Variants in ZNF583 observed in about 807,000 individuals in gnomAD.
The protein encoded by ZNF583 is zinc finger protein 583.
ZNF583 carries 30 observed loss-of-function variants against 55.3 expected under a neutral mutation model. The ratio of observed to expected loss-of-function variants is 0.54; its 90% CI spans 0.41 to 0.74. ZNF583 has a LOEUF of 0.74. Among genes scored for constraint, ZNF583 ranks in the 30% least tolerant of loss-of-function variants. ZNF583 has a pLI of 0.00. For missense variants in ZNF583, 504 were observed against 664.7 expected (o/e 0.76, Z 2.66); for synonymous variants, 208 against 220.0 (o/e 0.95, Z 0.48).
intron 1 of ZNF583, among the ~76,000 whole-genome samples, chr19:56,406,615 C>A (rs1485416379): frequency 6.8e-6 from 1 of 146,052 alleles, no homozygotes; most frequent in Non-Finnish European, 1.5e-5. Flanking sequence ...TCACTGCAAG[C>A]TCCGCCTCCT....
Position 56,423,221 on chromosome 19 carries a change from C to A in ZNF583, c.563C>A (p.Pro188Gln), listed in dbSNP as rs764162684. Residue 188 changes from proline (P) to glutamine (Q), a missense_variant, in exon 5 of 5, where the codon CCA becomes CAA. Physicochemically the swap from Pro to Gln is moderately conservative, Grantham distance 76. Coordinates refer to ENST00000333201, the MANE Select transcript of ZNF583 (RefSeq NM_152478.3). ...AAAGAAAAAGCACATAAGCATGAACCACAAAAGAAAAGTTACCGAAAAAAA... is the reference window on the plus strand; with the variant it reads ...AAAGAAAAAGCACATAAGCATGAACAACAAAAGAAAAGTTACCGAAAAAAA... ...PTKEKAHKHE[P>Q]QKKSYRKKSV... is the part of the protein sequence containing the mutation. 6.2e-7 allele frequency: 1 copy of A among 1,612,604 alleles called. No individual in the cohort carries two copies. Among genetic ancestry groups the A allele is most frequent in the Non-Finnish European group, 8.5e-7 (1 of 1,179,772 alleles).
chr19:56,423,522 A>T lies in ZNF583; in HGVS notation c.864A>T (p.Arg288Ser). The T allele has an allele frequency of 1.2e-6, 2 of 1,613,976 alleles. No individual in the cohort carries two copies. Among genetic ancestry groups the T allele is most frequent in the South Asian group, 2.2e-5 (2 of 91,074 alleles). Reference protein sequence around the residue: ...SQNAHLAQHQRVHTGEKPYQC... With the variant: ...SQNAHLAQHQSVHTGEKPYQC... Reference sequence around the variant, plus strand: ...ATGCACACCTGGCCCAACATCAGAGAGTTCATACTGGAGAGAAACCTTATC... The same window carrying T: ...ATGCACACCTGGCCCAACATCAGAGTGTTCATACTGGAGAGAAACCTTATC... The change falls in exon 5 of 5, where the codon AGA (arginine) becomes AGT (serine). Residue 288 changes from arginine (R) to serine (S), a missense_variant. Physicochemically the swap from Arg to Ser is moderately radical, Grantham distance 110 (BLOSUM62 -1). Around this residue, in one of 3 missense-constraint regions of ZNF583, gnomAD observed 237 missense variants for 373.0 expected, o/e 0.64. Transcript: ENST00000333201.
Position 56,427,117 on chromosome 19 carries a change from G to T in ZNF583, c.*2749G>T, listed in dbSNP as rs1015394642. The stretch of plus-strand genomic sequence containing the variant: ...ATCCCTAGAGAAGTTCAGGCTTGGA[G>T]TTGGCTTATGTACAGGCTGTGGCTT... On this transcript the variant is annotated 3_prime_UTR_variant, in exon 5 of 5. Transcript: ENST00000333201. 2 of 152,128 alleles carry T rather than the reference G, an allele frequency of 1.3e-5. No homozygotes were observed. The highest frequency in any genetic ancestry group is 6.5e-5 in the Admixed American group (1 of 15,276). 9.4% of individuals were successfully genotyped at this position (152,128 alleles called of 1,614,324 possible). A position where few individuals can be genotyped will look rare whatever the true frequency, so the allele number is the denominator to read the frequency against.
chr19:56,421,214 C>G (rs965324961), intron 4 of ZNF583, among the ~76,000 whole-genome samples: 2 of 152,124 alleles, frequency 1.3e-5, no homozygotes, highest in Non-Finnish European at 2.9e-5. Flanking sequence ...TTATCTAATT[C>G]TGATACACTC....
chr19:56,409,551 G>A (rs2042206351), intron 2 of ZNF583, among the ~76,000 whole-genome samples: 1 of 152,098 alleles, frequency 6.6e-6, no homozygotes, highest in South Asian at 2.1e-4. Context: ...GCCCAGGCTG[G>A]TTTTGAACTT....
In ZNF583 at chr19:56,423,990, C is replaced by T. The variant is rs773010445; in HGVS notation, c.1332C>T (p.Ala444=). Residue 444 remains alanine (A), a synonymous_variant, in exon 5 of 5, where the codon GCC becomes GCT. Coordinates refer to ENST00000333201, the MANE Select transcript of ZNF583 (RefSeq NM_152478.3). ...ATGAATGTATTGAATGTGGGAAGGC[C>T]TTTAGCAATAGTTCATCACTTGCAC... ...KPYECIECGK[A]FSNSSSLAQH... The T allele has an allele frequency of 6.2e-7, 1 of 1,613,878 alleles. No individual in the cohort carries two copies. Among genetic ancestry groups the T allele is most frequent in the South Asian group, 1.1e-5 (1 of 91,072 alleles).
chr19:56,421,367 A>T, intron 4 of ZNF583: 1 of 611,156 alleles, frequency 1.6e-6, no homozygotes, highest in Non-Finnish European at 2.0e-6. Context: ...CTTGGCAGTC[A>T]TTTCATATTT....
At chr19:56,422,194 C>G (rs1324429536) in intron 4 of ZNF583, among the ~76,000 whole-genome samples, 1 of 152,066 alleles carries the variant, frequency 6.6e-6, no homozygotes. Context: ...TAGTAAGAAA[C>G]AGGAAAATCT....
intron 4 of ZNF583, among the ~76,000 whole-genome samples, chr19:56,422,603 A>C (rs2042433242): frequency 6.6e-6 from 1 of 152,192 alleles, no homozygotes; most frequent in African/African-American, 2.4e-5. Flanking sequence ...CTATGACAAG[A>C]GAGGAAAGGT....
intron 4 of ZNF583, among the ~76,000 whole-genome samples, chr19:56,419,809 A>G (rs554719920): frequency 2.1e-4 from 32 of 152,260 alleles, no homozygotes; most frequent in Admixed American, 1.9e-3. Flanking sequence ...TAATGTTTTT[A>G]AAAAACAGCT....
intron 2 of ZNF583, 44 bp downstream of exon 2, chr19:56,407,167 T>C: frequency 6.2e-7 from 1 of 1,611,156 alleles, no homozygotes; most frequent in Non-Finnish European, 8.5e-7. Flanking sequence ...GCCATCTTAT[T>C]TTTTAGGTTA....
chr19:56,418,050 G>A (rs1368929773), intron 4 of ZNF583, among the ~76,000 whole-genome samples: 2 of 152,054 alleles, frequency 1.3e-5, no homozygotes, highest in African/African-American at 4.8e-5. Context: ...GATTACTGTA[G>A]CTTTGTAGTA....
rs2042445183 is a variant in ZNF583, at chr19:56,423,175, A to G, written c.517A>G (p.Ile173Val). ...QTFHQDTIFD[I>V]QQSFPTKEKA... is the part of the protein sequence containing the mutation. ...ATTCCACCAGGATACAATCTTTGATATACAACAGAGTTTTCCCACCAAAGA... is the reference window on the plus strand; with the variant it reads ...ATTCCACCAGGATACAATCTTTGATGTACAACAGAGTTTTCCCACCAAAGA... The change falls in exon 5 of 5, where the codon ATA becomes GTA. Residue 173 changes from isoleucine (I) to valine (V), a missense_variant. Physicochemically the swap from Ile to Val is conservative, Grantham distance 29. Transcript: ENST00000333201. 11 of 1,613,044 alleles carry G rather than the reference A, an allele frequency of 6.8e-6. No homozygotes were observed. The highest frequency in any genetic ancestry group is 1.3e-5 in the African/African-American group (1 of 74,898).
chr19:56,415,382 A>G (rs113822081), intron 4 of ZNF583, among the ~76,000 whole-genome samples: 2 of 152,126 alleles, frequency 1.3e-5, no homozygotes, highest in African/African-American at 4.8e-5. Context: ...GAAATGCAAC[A>G]TGCAACTGGT....
chr19:56,406,870 T>C (rs940624673), intron 1 of ZNF583, among the ~76,000 whole-genome samples, 156 bp from the exon 2 acceptor site: 1 of 152,214 alleles, frequency 6.6e-6, no homozygotes, highest in African/African-American at 2.4e-5. Context: ...GGAAAAAGAA[T>C]TGTAAATTTA....
intron 4 of ZNF583, among the ~76,000 whole-genome samples, chr19:56,420,269 C>T (rs1391233070): frequency 6.6e-6 from 1 of 152,142 alleles, no homozygotes; most frequent in African/African-American, 2.4e-5. Context: ...CCTCTAACCT[C>T]TGTTGAGGTT....
In ZNF583 at chr19:56,423,144, G is replaced by C; in HGVS notation, c.486G>C (p.Trp162Cys). 1 of 1,612,044 alleles carries C rather than the reference G, an allele frequency of 6.2e-7. No individual in the cohort carries two copies. The highest frequency in any genetic ancestry group is 8.5e-7 in the Non-Finnish European group (1 of 1,179,556). Reference protein sequence around the residue: ...EVQNKEYNKSWQTFHQDTIFD... With the variant: ...EVQNKEYNKSCQTFHQDTIFD... ...AAAATAAAGAATATAACAAATCTTG[G>C]CAAACATTCCACCAGGATACAATCT... The change falls in exon 5 of 5, where the codon TGG becomes TGC. Residue 162 changes from tryptophan to cysteine, a missense_variant. Physicochemically the swap from Trp to Cys is radical, Grantham distance 215. Around this residue, in one of 3 missense-constraint regions of ZNF583, gnomAD observed 204 missense variants for 235.2 expected, o/e 0.87. Coordinates refer to ENST00000333201, the MANE Select transcript of ZNF583 (RefSeq NM_152478.3).
intron 4 of ZNF583, among the ~76,000 whole-genome samples, chr19:56,420,627 ATGAAT>A (rs1156886975): frequency 6.6e-6 from 1 of 152,120 alleles, no homozygotes; most frequent in African/African-American, 2.4e-5. Flanking sequence ...TTTCTTTCTG[ATGAAT>A]TGATCCTTTT....
At position 56,424,388 on chromosome 19, in the gene ZNF583, C is replaced by A; in HGVS notation, c.*20C>A. On this transcript the variant is annotated 3_prime_UTR_variant, in exon 5 of 5. Coordinates refer to ENST00000333201, the MANE Select transcript of ZNF583 (RefSeq NM_152478.3). Reference sequence around the variant, plus strand: ...TCCTGAATATTTCTGGAATCCACCTCTTGAATCCATTTCCATCCCATCATC... The same window carrying A: ...TCCTGAATATTTCTGGAATCCACCTATTGAATCCATTTCCATCCCATCATC... 9.7e-7 allele frequency: 1 copy of A among 1,032,852 alleles called. No individual in the cohort carries two copies. Among genetic ancestry groups the A allele is most frequent in the African/African-American group, 1.6e-5 (1 of 63,106 alleles). The allele number at this position is 1,032,852 out of a possible 1,614,324, so 64.0% of individuals were successfully genotyped here.
Sources: allele counts gnomAD v4.1 joint callset (sites outside exome capture counted in the v4.1 genomes callset), GRCh38; gene constraint gnomAD v4.1.1; regional missense constraint gnomAD v4.1.1; transcripts MANE v1.5; gene names NCBI Gene and HGNC (gene_info 2026-07-23, HGNC 2026-07-21).